The following DENND2A variants were observed in gnomAD, a reference collection of about 807,000 sequenced individuals.
The protein encoded by DENND2A is DENN domain containing 2A, also known as DENN domain-containing protein 2A.
In DENND2A, 53 loss-of-function variants were observed where a neutral mutation model predicts 105.3. The ratio of observed to expected loss-of-function variants is 0.50; its 90% CI spans 0.40 to 0.63. The LOEUF is 0.63. Among genes scored for constraint, DENND2A ranks in the 30% least tolerant of loss-of-function variants. DENND2A has a pLI of 0.00. For missense variants in DENND2A, 1,138 were observed against 1,279.6 expected, an observed-to-expected ratio of 0.89 and a Z score of 1.69; for synonymous variants, 522 against 508.4, an observed-to-expected ratio of 1.03 and a Z score of -0.36.
In DENND2A at chr7:140,601,777, G is replaced by T; in HGVS notation, c.621C>A (p.Gly207=). Residue 207 remains glycine (G), a synonymous_variant, in exon 3 of 20, where the codon GGC becomes GGA. Transcript: ENST00000496613. The part of the protein sequence containing the change: ...AGSTLPENLG[G]GSGSEVSQRV... ...TCTGGCTGACTTCTGAGCCACTCCC[G>T]CCTCCCAGGTTCTCAGGAAGGGTGG... 3 of 1,613,996 alleles carry T rather than the reference G, an allele frequency of 1.9e-6. No homozygotes were observed. Among genetic ancestry groups the T allele is most frequent in the Non-Finnish European group, 2.5e-6 (3 of 1,179,996 alleles).
chr7:140,549,749 C>G (rs1242982180), intron 12 of DENND2A, among the ~76,000 whole-genome samples: 1 of 152,002 alleles, frequency 6.6e-6, no homozygotes, highest in Non-Finnish European at 1.5e-5. Flanking sequence ...TGGGTGTATA[C>G]CCAAAAGAAT....
At chr7:140,561,310 G>A (rs1797602882) in intron 9 of DENND2A, among the ~76,000 whole-genome samples, 1 of 152,140 alleles carries the variant, frequency 6.6e-6, no homozygotes, top group African/African-American at 2.4e-5. Context: ...TGTAGGCTTT[G>A]TTGCTGTTGT....
At chr7:140,626,774 G>C (rs2130730976) in intron 1 of DENND2A, among the ~76,000 whole-genome samples, 1 of 152,310 alleles carries the variant, frequency 6.6e-6, no homozygotes, top group East Asian at 1.9e-4. Context: ...ATCTTAGAGG[G>C]AGACGTCATC....
intron 16 of DENND2A, among the ~76,000 whole-genome samples, chr7:140,525,052 G>T (rs531482099): frequency 4.7e-4 from 71 of 150,388 alleles, no homozygotes; most frequent in Admixed American, 8.7e-4. Flanking sequence ...TTGAAGCTGG[G>T]CATGGTGGTG....
chr7:140,542,565 CTTTT>C (rs771623397), intron 14 of DENND2A, among the ~76,000 whole-genome samples: 14 of 112,008 alleles, frequency 1.2e-4, no homozygotes, highest in South Asian at 5.9e-4. Flanking sequence ...TTTTCTCTCT[CTTTT>C]TTTTTTTTTT....
At chr7:140,578,564 T>G (rs1306323521) in intron 5 of DENND2A, among the ~76,000 whole-genome samples, 1 of 152,192 alleles carries the variant, frequency 6.6e-6, no homozygotes, top group African/African-American at 2.4e-5. Flanking sequence ...AAAGAGACAC[T>G]TCTCTAAATA....
At chr7:140,555,444 G>A (rs1181348178) in intron 12 of DENND2A, among the ~76,000 whole-genome samples, 192 bp downstream of exon 12, 2 of 152,024 alleles carry the variant, frequency 1.3e-5, no homozygotes, top group African/African-American at 4.8e-5. Flanking sequence ...ACCACACCGG[G>A]CCTATCAACT....
intron 4 of DENND2A, among the ~76,000 whole-genome samples, 200 bp from the exon 5 acceptor site, chr7:140,585,910 G>T (rs1286802227): frequency 6.6e-6 from 1 of 152,110 alleles, no homozygotes; most frequent in East Asian, 1.9e-4. Context: ...TTGTGGCCAT[G>T]GGAGATTAAC....
Position 140,519,615 on chromosome 7 carries a change from A to T in DENND2A, c.2998+17T>A, listed in dbSNP as rs372325499. On this transcript the variant is annotated intron_variant, in intron 19 of 19. Coordinates refer to ENST00000496613, the MANE Select transcript of DENND2A (RefSeq NM_015689.5). ...TCAGAGGCACACAGGCTGGGCACCC[A>T]GAGCCCGGGGCCTTACCTAGTCCCT... is the stretch of plus-strand genomic sequence containing the variant. 619 of 1,611,998 alleles carry T rather than the reference A, an allele frequency of 3.8e-4. 6 individuals carry two copies. The South Asian group carries it at 6.1e-3, about 16-fold the overall frequency.
intron 1 of DENND2A, among the ~76,000 whole-genome samples, chr7:140,632,179 A>C (rs1243527002): frequency 6.6e-6 from 1 of 152,116 alleles, no homozygotes; most frequent in African/African-American, 2.4e-5. Flanking sequence ...GTCCTGTTTT[A>C]ATGCTTCAAA....
Position 140,523,450 on chromosome 7 carries a change from C to T in DENND2A, c.2548-26G>A. 6.2e-7 allele frequency: 1 copy of T among 1,607,414 alleles called. No homozygotes were observed. The highest frequency in any genetic ancestry group is 2.2e-5 in the East Asian group (1 of 44,828). On this transcript the variant is annotated intron_variant, in intron 16 of 19. Transcript: ENST00000496613. This position sits in a 1 kb window ranked among gnomAD's most constrained non-coding sequence, Gnocchi z 4.5. The stretch of plus-strand genomic sequence containing the variant: ...CTGGAAAGCAGAGGTAGCAGGTGGG[C>T]TTATGGGCACGGTGGCTGCGTCTTG...
intron 3 of DENND2A, among the ~76,000 whole-genome samples, chr7:140,596,033 C>T (rs889294945): frequency 6.6e-6 from 1 of 152,130 alleles, no homozygotes; most frequent in Non-Finnish European, 1.5e-5. Flanking sequence ...ATTCTGTTAT[C>T]GGGTAACTCC....
chr7:140,567,296 A>AGAGAG, intron 8 of DENND2A, 23 bp from the exon 9 acceptor site: 11 of 830,714 alleles, frequency 1.3e-5, no homozygotes, highest in Admixed American at 2.9e-5. Flanking sequence ...GGGAGAGAGA[A>AGAGAG]AGAGAGAAAG....
At chr7:140,589,125 G>A (rs1447803477) in intron 3 of DENND2A, among the ~76,000 whole-genome samples, 1 of 152,118 alleles carries the variant, frequency 6.6e-6, no homozygotes, top group Non-Finnish European at 1.5e-5. Context: ...AAAAGGTGGT[G>A]GAATTAGGGT....
At chr7:140,613,270 T>C (rs574361743) in intron 1 of DENND2A, among the ~76,000 whole-genome samples, 1 of 151,988 alleles carries the variant, frequency 6.6e-6, no homozygotes, top group Non-Finnish European at 1.5e-5. Context: ...CTGAGTGCAG[T>C]GGCTCACGCC....
At chr7:140,592,575 C>T (rs1025627941) in intron 3 of DENND2A, among the ~76,000 whole-genome samples, 6 of 150,222 alleles carry the variant, frequency 4.0e-5, no homozygotes, top group African/African-American at 1.2e-4. Flanking sequence ...GAACTCCTGA[C>T]CTCAGGTGAT....
At chr7:140,569,559 G>C in intron 7 of DENND2A, 86 bp downstream of exon 7, 1 of 932,130 alleles carries the variant, frequency 1.1e-6, no homozygotes, top group Non-Finnish European at 1.8e-6. Flanking sequence ...TCCTTGGTGA[G>C]CCAACCAGAA....
intron 3 of DENND2A, among the ~76,000 whole-genome samples, chr7:140,589,270 A>G (rs1016896301): frequency 1.3e-5 from 2 of 152,194 alleles, no homozygotes; most frequent in African/African-American, 4.8e-5. Context: ...CTGAATTTCA[A>G]CAGTTTGCTG....
chr7:140,632,714 G>A (rs1402163816), intron 1 of DENND2A, among the ~76,000 whole-genome samples: 13 of 150,188 alleles, frequency 8.7e-5, no homozygotes, highest in Non-Finnish European at 1.3e-4. Flanking sequence ...GACTACAGGC[G>A]CCTGCCTCCA....
Sources: allele counts gnomAD v4.1 joint callset (sites outside exome capture counted in the v4.1 genomes callset), GRCh38; gene constraint gnomAD v4.1.1; non-coding constraint Gnocchi (gnomAD v3.1); transcripts MANE v1.5; gene names NCBI Gene and HGNC (gene_info 2026-07-23, HGNC 2026-07-21).